The following FER variants were observed in gnomAD, a reference collection of about 807,000 sequenced individuals.
FER encodes the protein FER tyrosine kinase.
FER carries 63 observed loss-of-function variants against 111.0 expected under a neutral mutation model. The ratio of observed to expected loss-of-function variants is 0.57; its 90% CI spans 0.46 to 0.70. The LOEUF (loss-of-function observed/expected upper bound fraction) is 0.70. Ranked by LOEUF, FER falls within the 30% of genes least tolerant of loss-of-function variation. The pLI, the probability that FER is intolerant of heterozygous loss-of-function variation, is 0.00. For synonymous variants in FER, 327 were observed against 313.9 expected, an observed-to-expected ratio of 1.04 and a Z score of -0.44; for missense variants, 914 against 954.0, an observed-to-expected ratio of 0.96 and a Z score of 0.55.
intron 17 of FER, among the ~76,000 whole-genome samples, chr5:109,118,489 A>C (rs1218514433): frequency 6.6e-6 from 1 of 152,080 alleles, no homozygotes; most frequent in Non-Finnish European, 1.5e-5. Flanking sequence ...TGTCTCTGCC[A>C]GGCTTTGGTA....
At chr5:108,848,855 G>A (rs1028272583) in intron 5 of FER, among the ~76,000 whole-genome samples, 2 of 151,826 alleles carry the variant, frequency 1.3e-5, no homozygotes, top group African/African-American at 4.8e-5. Context: ...TGTAATGTAG[G>A]TCTGCAAGTA....
chr5:108,965,920 G>T (rs1301114144), intron 13 of FER, among the ~76,000 whole-genome samples: 2 of 152,074 alleles, frequency 1.3e-5, no homozygotes, highest in African/African-American at 4.8e-5. Flanking sequence ...AATTAAGATT[G>T]GACTTTAGGC....
intron 16 of FER, chr5:109,052,426 A>C (rs1362586652): frequency 6.6e-7 from 1 of 1,505,726 alleles, no homozygotes; most frequent in South Asian, 1.1e-5. Flanking sequence ...AACCTTGTCA[A>C]GGAGTTTGCC....
chr5:109,106,473 T>A (rs10063845), intron 17 of FER, among the ~76,000 whole-genome samples: 27,246 of 151,934 alleles, frequency 0.18, 2,580 homozygotes, highest in Non-Finnish European at 0.2. Flanking sequence ...CATTTATGAC[T>A]GATTTTCTTG....
intron 13 of FER, among the ~76,000 whole-genome samples, chr5:109,015,172 A>G (rs536062903): frequency 6.6e-6 from 1 of 152,216 alleles, no homozygotes; most frequent in Non-Finnish European, 1.5e-5. Flanking sequence ...GCACATAGTA[A>G]TATGGCTTTT....
intron 13 of FER, among the ~76,000 whole-genome samples, chr5:109,012,382 T>G (rs867994947): frequency 2.5e-4 from 38 of 152,302 alleles, no homozygotes; most frequent in Middle Eastern, 6.8e-3. Flanking sequence ...TTGCCTTCAA[T>G]TGATGGCAAG....
chr5:109,015,230 T>C (rs956887634), intron 13 of FER, among the ~76,000 whole-genome samples: 1 of 152,104 alleles, frequency 6.6e-6, no homozygotes, highest in Non-Finnish European at 1.5e-5. Context: ...CACAGTAGTG[T>C]CGTTCCATTT....
At chr5:108,810,895 C>A (rs368499427) in intron 3 of FER, among the ~76,000 whole-genome samples, 47 of 152,094 alleles carry the variant, frequency 3.1e-4, no homozygotes, top group South Asian at 1.9e-3. Flanking sequence ...GTGGCTCATG[C>A]TTCCAGTCCG....
At chr5:109,054,495 T>C (rs886604697) in intron 16 of FER, among the ~76,000 whole-genome samples, 2 of 152,220 alleles carry the variant, frequency 1.3e-5, no homozygotes, top group Non-Finnish European at 2.9e-5. Flanking sequence ...AATTAAGTCT[T>C]GGTTCTTTAC....
At chr5:108,793,272 C>T (rs561952501) in intron 2 of FER, among the ~76,000 whole-genome samples, 1 of 152,196 alleles carries the variant, frequency 6.6e-6, no homozygotes, top group East Asian at 1.9e-4. Flanking sequence ...ATGACTGTGT[C>T]TGGCTTATTT....
chr5:109,183,672 G>A (rs1758541697), intron 18 of FER, among the ~76,000 whole-genome samples: 1 of 152,076 alleles, frequency 6.6e-6, no homozygotes, highest in South Asian at 2.1e-4. Context: ...GAAACCTCCA[G>A]TCCAAGGAAC....
rs532124999 is a variant in FER at position 109,190,754 on chromosome 5, A to C, written c.*3179A>C. 2 of 152,274 alleles carry C rather than the reference A, an allele frequency of 1.3e-5. No individual in the cohort carries two copies. Among genetic ancestry groups the C allele is most frequent in the African/African-American group, 4.8e-5 (2 of 41,576 alleles). 9.4% of individuals were successfully genotyped at this position (152,274 alleles called of 1,614,324 possible). A position where few individuals can be genotyped will look rare whatever the true frequency, so the allele number is the denominator to read the frequency against. On this transcript the variant is annotated 3_prime_UTR_variant, in exon 20 of 20. Coordinates refer to ENST00000281092, the MANE Select transcript of FER (RefSeq NM_005246.4). Reference sequence around the variant, plus strand: ...GTAATTGTTTCTCTTTTATCTCCCAAATTTAATGTGGGCAATAAAATTCTC... The same window carrying C: ...GTAATTGTTTCTCTTTTATCTCCCACATTTAATGTGGGCAATAAAATTCTC...
At chr5:108,908,554 C>T (rs983086317) in intron 10 of FER, among the ~76,000 whole-genome samples, 1 of 152,066 alleles carries the variant, frequency 6.6e-6, no homozygotes, top group African/African-American at 2.4e-5. Flanking sequence ...GTCATTCCAG[C>T]CTATACAATT....
rs112075761 is a variant in FER at position 109,192,535 on chromosome 5, C to G, written c.*4960C>G. 1 of 152,112 alleles carries G rather than the reference C, an allele frequency of 6.6e-6. No homozygotes were observed. Among genetic ancestry groups the G allele is most frequent in the African/African-American group, 2.4e-5 (1 of 41,430 alleles). The allele number at this position is 152,112 out of a possible 1,614,324, so 9.4% of individuals were successfully genotyped here. A position where few individuals can be genotyped will look rare whatever the true frequency, so the allele number is the denominator to read the frequency against. On this transcript the variant is annotated 3_prime_UTR_variant, in exon 20 of 20. Transcript: ENST00000281092. ...TATATTCATTATTTCCCAACTAATG[C>G]ATTTGGACATATGTATTCCAGTTTT...
At chr5:108,815,973 T>C (rs1758226712) in intron 3 of FER, among the ~76,000 whole-genome samples, 1 of 152,100 alleles carries the variant, frequency 6.6e-6, no homozygotes, top group Non-Finnish European at 1.5e-5. Flanking sequence ...AAAAACTTGG[T>C]TAATGAGAGG....
At chr5:109,134,873 CAA>C (rs780494060) in intron 17 of FER, among the ~76,000 whole-genome samples, 28 of 152,176 alleles carry the variant, frequency 1.8e-4, no homozygotes, top group Non-Finnish European at 2.8e-4. Flanking sequence ...ATGGCTAAGG[CAA>C]AGAGTCTTTG....
At chr5:108,902,647 T>G (rs747640219) in intron 10 of FER, among the ~76,000 whole-genome samples, 7 of 152,210 alleles carry the variant, frequency 4.6e-5, no homozygotes, top group Non-Finnish European at 8.8e-5. Flanking sequence ...TGGGAAATGC[T>G]TAGTTAGAAG....
At chr5:109,183,441 G>T (rs1024611757) in intron 18 of FER, among the ~76,000 whole-genome samples, 1 of 151,990 alleles carries the variant, frequency 6.6e-6, no homozygotes, top group African/African-American at 2.4e-5. Flanking sequence ...TAGAGACAGG[G>T]TTTTACCATA....
intron 1 of FER, among the ~76,000 whole-genome samples, chr5:108,754,483 G>A (rs961512512): frequency 1.3e-5 from 2 of 149,876 alleles, no homozygotes; most frequent in African/African-American, 4.9e-5. Context: ...TTACAATTCT[G>A]TAAGGGACCC....
Sources: gnomAD v4.1 joint callset for allele counts (sites outside exome capture counted in the v4.1 genomes callset) on GRCh38, gnomAD v4.1.1 for gene constraint, MANE v1.5 for transcripts, NCBI Gene and HGNC (gene_info 2026-07-23, HGNC 2026-07-21) for gene names.